The following KCNMA1 variants were observed in gnomAD, a reference collection of about 807,000 sequenced individuals.
KCNMA1 encodes Calcium-activated potassium channel subunit alpha-1.
Under a neutral mutation model 140.0 loss-of-function variants are expected in KCNMA1, and 29 were observed. That is an observed-to-expected ratio of 0.21 (90% CI 0.15 to 0.28). The LOEUF is 0.28. Ranked by LOEUF, KCNMA1 falls within the 10% of genes least tolerant of loss-of-function variation. KCNMA1 has a pLI of 1.00. For synonymous variants in KCNMA1, 612 were observed against 611.9 expected (o/e 1.00, Z 0.00); for missense variants, 880 against 1,602.2 (o/e 0.55, Z 7.70).
intron 15 of KCNMA1, among the ~76,000 whole-genome samples, chr10:77,033,216 C>A (rs1258307227): frequency 1.3e-5 from 2 of 152,130 alleles, no homozygotes; most frequent in Admixed American, 1.3e-4. Flanking sequence ...CATTCAGGAG[C>A]TTTAATTTAA....
chr10:76,913,948 G>A, intron 24 of KCNMA1: 2 of 788,864 alleles, frequency 2.5e-6, no homozygotes, highest in East Asian at 2.7e-5. Flanking sequence ...GTGCCATGGG[G>A]TAGCCTTTCT....
At chr10:77,506,753 GGAGAGA>G (rs141918883) in intron 1 of KCNMA1, among the ~76,000 whole-genome samples, 2 of 68,192 alleles carry the variant, frequency 2.9e-5, no homozygotes, top group Admixed American at 1.7e-4. Context: ...TGTTAGAGAG[GGAGAGA>G]GAGAGAGAGA....
intron 1 of KCNMA1, among the ~76,000 whole-genome samples, chr10:77,506,951 C>T (rs1347631403): frequency 6.6e-6 from 1 of 151,790 alleles, no homozygotes; most frequent in African/African-American, 2.4e-5. Context: ...CCCTCAGCTC[C>T]TAACCCTCTC....
Position 76,886,168 on chromosome 10 carries a change from G to A in KCNMA1, c.*1098C>T. The A allele has an allele frequency of 2.0e-6, 2 of 985,358 alleles. No individual in the cohort carries two copies. Among genetic ancestry groups the A allele is most frequent in the Non-Finnish European group, 2.4e-6 (2 of 829,920 alleles). The allele number at this position is 985,358 out of a possible 1,614,324, so 61.0% of individuals were successfully genotyped here. A position where few individuals can be genotyped will look rare whatever the true frequency, so the allele number is the denominator to read the frequency against. On this transcript the variant is annotated 3_prime_UTR_variant, in exon 28 of 28. Transcript: ENST00000286628. Reference sequence around the variant, plus strand: ...CTAGAAAAGCATGATCTGCAGCTGGGTTTGTCTTCCTCTCACTCTACCATT... The same window carrying A: ...CTAGAAAAGCATGATCTGCAGCTGGATTTGTCTTCCTCTCACTCTACCATT...
chr10:77,244,380 C>T (rs10824502), intron 3 of KCNMA1, among the ~76,000 whole-genome samples: 7,625 of 152,210 alleles, frequency 0.05, 487 homozygotes, highest in East Asian at 0.22. Context: ...TAGCATAGTC[C>T]CTGATTTCCC....
chr10:77,346,776 AT>A (rs2092229914), intron 2 of KCNMA1, among the ~76,000 whole-genome samples: 1 of 152,194 alleles, frequency 6.6e-6, no homozygotes, highest in South Asian at 2.1e-4. Flanking sequence ...CAGACCCAAG[AT>A]GGAATTTGAT....
rs945207190 is a variant in KCNMA1 at position 77,399,254 on chromosome 10, G to C, written c.540+4608C>G. On this transcript the variant is annotated intron_variant, in intron 2 of 27. Coordinates refer to ENST00000286628, the MANE Select transcript of KCNMA1 (RefSeq NM_001161352.2). The stretch of plus-strand genomic sequence containing the variant: ...GGTAACATGAGATGCAGTGAACAAA[G>C]TCCTCAATGACACCCAAACAGTTAA... Among the ~76,000 whole-genome samples, 8 of 152,042 alleles carry C rather than the reference G, an allele frequency of 5.3e-5. No individual in the cohort carries two copies. In the East Asian group the frequency reaches 1.5e-3, roughly 29 times the overall value.
At chr10:77,443,013 G>A (rs1437019828) in intron 1 of KCNMA1, among the ~76,000 whole-genome samples, 1 of 152,178 alleles carries the variant, frequency 6.6e-6, no homozygotes, top group Non-Finnish European at 1.5e-5. Context: ...ATGCTTGTTT[G>A]TTTTTTCGCT....
chr10:77,486,940 T>C (rs903878186), intron 1 of KCNMA1, among the ~76,000 whole-genome samples: 13 of 152,198 alleles, frequency 8.5e-5, no homozygotes, highest in Non-Finnish European at 2.9e-5. Flanking sequence ...CCTCAGGCCA[T>C]GACAAGTCCC....
chr10:76,898,712 A>G (rs2043713180), intron 25 of KCNMA1, among the ~76,000 whole-genome samples: 1 of 151,980 alleles, frequency 6.6e-6, no homozygotes, highest in African/African-American at 2.4e-5. Context: ...GAAATATTTT[A>G]AAATTAAAGA....
intron 1 of KCNMA1, among the ~76,000 whole-genome samples, chr10:77,475,886 G>A (rs1359685824): frequency 6.6e-6 from 1 of 152,214 alleles, no homozygotes; most frequent in African/African-American, 2.4e-5. Flanking sequence ...GTCTCACAGT[G>A]AGGCTCTGGC....
chr10:76,959,200 T>C (rs1421072067), intron 20 of KCNMA1, among the ~76,000 whole-genome samples: 2 of 152,192 alleles, frequency 1.3e-5, no homozygotes, highest in African/African-American at 2.4e-5. Context: ...TCAATGCCAA[T>C]GAAAGCCCAG....
At position 77,446,502 on chromosome 10, in the gene KCNMA1, G is replaced by T. The variant is rs114210439; in HGVS notation, c.379-42479C>A. ...AGAAATGAATGAAAGGGCCCAGGGA[G>T]ATTCTCAAGGCCCCGGTCAGCCGCC... On this transcript the variant is annotated intron_variant, in intron 1 of 27. Transcript: ENST00000286628. Among the ~76,000 whole-genome samples the T allele has an allele frequency of 3.4e-3, 524 of 152,360 alleles. 4 individuals are homozygous for T. Among genetic ancestry groups the T allele is most frequent in the African/African-American group, 0.012 (506 of 41,594 alleles).
intron 5 of KCNMA1, among the ~76,000 whole-genome samples, chr10:77,158,260 T>A (rs2098511480): frequency 6.6e-6 from 1 of 152,172 alleles, no homozygotes; most frequent in Non-Finnish European, 1.5e-5. Flanking sequence ...AATAATGACC[T>A]AGTCATTGGC....
intron 3 of KCNMA1, among the ~76,000 whole-genome samples, chr10:77,230,231 G>A (rs2053127933): frequency 6.6e-6 from 1 of 152,220 alleles, no homozygotes; most frequent in Admixed American, 6.5e-5. Flanking sequence ...GAAACATCTA[G>A]AAGAGGTAAA....
intron 12 of KCNMA1, 107 bp from the exon 13 acceptor site, chr10:77,079,657 G>A (rs754768999): frequency 3.0e-5 from 24 of 792,380 alleles, no homozygotes; most frequent in Non-Finnish European, 4.7e-5. Flanking sequence ...GACTGAGGTA[G>A]GAGGCAGGAC....
chr10:77,217,965 T>C (rs1299495675), intron 3 of KCNMA1, among the ~76,000 whole-genome samples: 2 of 152,208 alleles, frequency 1.3e-5, no homozygotes, highest in African/African-American at 4.8e-5. Context: ...ATGCCATTTA[T>C]AATAGCCATT....
chr10:77,103,671 T>C (rs1258287805), intron 9 of KCNMA1, among the ~76,000 whole-genome samples: 1 of 152,164 alleles, frequency 6.6e-6, no homozygotes, highest in Non-Finnish European at 1.5e-5. Flanking sequence ...GTGTGGTTCA[T>C]CTGTCTGTCC....
chr10:77,614,142 T>A (rs2088300117), intron 1 of KCNMA1, among the ~76,000 whole-genome samples: 1 of 152,076 alleles, frequency 6.6e-6, no homozygotes, highest in Non-Finnish European at 1.5e-5. Flanking sequence ...CAGAAAAAAT[T>A]AAATACCCTG....
Sources: allele counts gnomAD v4.1 joint callset (sites outside exome capture counted in the v4.1 genomes callset), GRCh38; gene constraint gnomAD v4.1.1; transcripts MANE v1.5; gene names NCBI Gene and HGNC (gene_info 2026-07-23, HGNC 2026-07-21).